LRBA: variants seen among roughly 807,000 people sequenced by gnomAD.
LRBA encodes the protein lipopolysaccharide-responsive and beige-like anchor protein.
LRBA carries 176 observed loss-of-function variants against 330.0 expected under a neutral mutation model. The ratio of observed to expected loss-of-function variants is 0.53; its 90% CI spans 0.47 to 0.60. LRBA has a LOEUF of 0.60. Ranked by LOEUF, LRBA falls within the 20% of genes least tolerant of loss-of-function variation. LRBA has a pLI of 0.00. For synonymous variants in LRBA, 1,230 were observed against 1,193.0 expected, an observed-to-expected ratio of 1.03 and a Z score of -0.64; for missense variants, 3,259 against 3,444.8, an observed-to-expected ratio of 0.95 and a Z score of 1.35.
intron 22 of LRBA, among the ~76,000 whole-genome samples, chr4:150,854,118 G>T (rs75698378): frequency 0.023 from 3,495 of 151,968 alleles, 124 homozygotes; most frequent in African/African-American, 0.08. Flanking sequence ...ACATTAACTC[G>T]CCTTTACTCA....
At chr4:150,608,067 C>T (rs1044609902) in intron 37 of LRBA, among the ~76,000 whole-genome samples, 7 of 151,792 alleles carry the variant, frequency 4.6e-5, no homozygotes, top group African/African-American at 1.7e-4. Context: ...AAAAATTAGC[C>T]AGGTGTGGTG....
At chr4:150,537,673 G>A (rs62344739) in intron 40 of LRBA, among the ~76,000 whole-genome samples, 4,368 of 152,112 alleles carry the variant, frequency 0.029, 126 homozygotes, top group Admixed American at 0.078. Flanking sequence ...ACAAAGGACC[G>A]GGCACAGTGG....
chr4:150,706,617 C>T (rs1785649746), intron 36 of LRBA, among the ~76,000 whole-genome samples: 1 of 151,006 alleles, frequency 6.6e-6, no homozygotes, highest in African/African-American at 2.4e-5. Context: ...AAAAATTTAA[C>T]TTCTGTAAGG....
intron 40 of LRBA, among the ~76,000 whole-genome samples, chr4:150,557,525 C>G (rs1259058634): frequency 1.3e-5 from 2 of 151,436 alleles, no homozygotes; most frequent in Non-Finnish European, 2.9e-5. Flanking sequence ...AGATCCCATC[C>G]AAGACACCAC....
At chr4:150,431,649 A>G (rs927955375) in intron 46 of LRBA, among the ~76,000 whole-genome samples, 2 of 152,188 alleles carry the variant, frequency 1.3e-5, no homozygotes, top group Admixed American at 1.3e-4. Flanking sequence ...AATTATTAAA[A>G]TTAATTTTTT....
intron 40 of LRBA, among the ~76,000 whole-genome samples, chr4:150,543,131 CTCTT>C (rs1765496118): frequency 6.6e-6 from 1 of 152,190 alleles, no homozygotes; most frequent in African/African-American, 2.4e-5. Context: ...CAAACTTCCT[CTCTT>C]TCCCCCAATT....
At chr4:150,313,840 G>A (rs1283527998) in intron 51 of LRBA, among the ~76,000 whole-genome samples, 3 of 141,990 alleles carry the variant, frequency 2.1e-5, no homozygotes, top group African/African-American at 7.6e-5. Flanking sequence ...TATATATAAT[G>A]TATATATATA....
intron 28 of LRBA, among the ~76,000 whole-genome samples, chr4:150,833,514 T>C (rs1276923119): frequency 6.6e-6 from 1 of 152,152 alleles, no homozygotes; most frequent in Non-Finnish European, 1.5e-5. Flanking sequence ...CACACAAATA[T>C]TTTAGTTTCC....
chr4:150,522,161 GGTGTC>G (rs1762982476), intron 40 of LRBA, among the ~76,000 whole-genome samples: 2 of 152,054 alleles, frequency 1.3e-5, no homozygotes, highest in Non-Finnish European at 2.9e-5. Context: ...CCCCAAGGAT[GGTGTC>G]ATCTATAAGA....
intron 35 of LRBA, among the ~76,000 whole-genome samples, chr4:150,750,487 T>G (rs574232745): frequency 6.6e-6 from 1 of 152,212 alleles, no homozygotes; most frequent in Non-Finnish European, 1.5e-5. Context: ...TTTATGTCAA[T>G]CTTTATTTTT....
intron 2 of LRBA, among the ~76,000 whole-genome samples, chr4:151,005,916 T>C (rs1490683241): frequency 6.6e-6 from 1 of 152,046 alleles, no homozygotes; most frequent in Non-Finnish European, 1.5e-5. Context: ...ACTGTTCTCT[T>C]AAGGGTAAAA....
At chr4:150,507,290 A>G (rs1453493016) in intron 40 of LRBA, among the ~76,000 whole-genome samples, 1 of 152,226 alleles carries the variant, frequency 6.6e-6, no homozygotes, top group African/African-American at 2.4e-5. Context: ...AGCCAAAAGA[A>G]CAAAGCTGGA....
chr4:150,901,788 A>C (rs1183344161), intron 13 of LRBA, among the ~76,000 whole-genome samples: 1 of 152,204 alleles, frequency 6.6e-6, no homozygotes, highest in Non-Finnish European at 1.5e-5. Context: ...CACATACAAT[A>C]CATTGTGATC....
chr4:150,349,378 T>C (rs774416925), intron 48 of LRBA, among the ~76,000 whole-genome samples: 1 of 152,216 alleles, frequency 6.6e-6, no homozygotes, highest in Non-Finnish European at 1.5e-5. Context: ...TGAAGTATAT[T>C]GGAATTAGAA....
chr4:150,666,834 C>T (rs1287771062), intron 37 of LRBA, among the ~76,000 whole-genome samples: 2 of 152,148 alleles, frequency 1.3e-5, no homozygotes, highest in Non-Finnish European at 2.9e-5. Flanking sequence ...ATTAAGTTTT[C>T]ATTCTATTTT....
chr4:150,637,311 T>A (rs561937669), intron 37 of LRBA, among the ~76,000 whole-genome samples: 1 of 152,284 alleles, frequency 6.6e-6, no homozygotes, highest in East Asian at 1.9e-4. Flanking sequence ...CCTATACTAA[T>A]AGCATGGTGT....
At chr4:150,734,561 A>T (rs1481572661) in intron 36 of LRBA, among the ~76,000 whole-genome samples, 1 of 152,186 alleles carries the variant, frequency 6.6e-6, no homozygotes, top group Non-Finnish European at 1.5e-5. Flanking sequence ...GTGCTTTTAA[A>T]TATTTTTCCA....
intron 37 of LRBA, among the ~76,000 whole-genome samples, chr4:150,658,118 G>C (rs1352332064): frequency 6.6e-6 from 1 of 151,904 alleles, no homozygotes; most frequent in Non-Finnish European, 1.5e-5. Context: ...GACTAACTAC[G>C]GGACCCTGAC....
At chr4:151,011,703 G>A (rs2952819) in intron 2 of LRBA, among the ~76,000 whole-genome samples, 10,386 of 151,048 alleles carry the variant, frequency 0.069, 569 homozygotes, top group South Asian at 0.29. Context: ...CAATACTTTC[G>A]TTCTAATTTT....
Sources: allele counts gnomAD v4.1 joint callset (sites outside exome capture counted in the v4.1 genomes callset), GRCh38; gene constraint gnomAD v4.1.1; transcripts MANE v1.5; gene names NCBI Gene and HGNC (gene_info 2026-07-23, HGNC 2026-07-21).